CACNA2D3: variants seen among roughly 807,000 people sequenced by gnomAD.
CACNA2D3 encodes the protein calcium voltage-gated channel auxiliary subunit alpha2delta 3, also known as voltage-dependent calcium channel subunit alpha-2/delta-3.
In CACNA2D3, 60 loss-of-function variants were observed where a neutral mutation model predicts 160.6. The observed-to-expected ratio is 0.37, with a 90% confidence interval of 0.30 to 0.46. The LOEUF (loss-of-function observed/expected upper bound fraction) is 0.46. CACNA2D3 is among the 20% of genes least tolerant of loss of function. The pLI, the probability that CACNA2D3 is intolerant of heterozygous loss-of-function variation, is 1.00. For missense variants in CACNA2D3, 1,205 were observed against 1,365.0 expected (o/e 0.88, Z 1.85); for synonymous variants, 558 against 492.9 (o/e 1.13, Z -1.75).
At chr3:54,581,151 T>C (rs1012106579) in intron 8 of CACNA2D3, among the ~76,000 whole-genome samples, 10 of 152,124 alleles carry the variant, frequency 6.6e-5, no homozygotes, top group African/African-American at 2.4e-4. Flanking sequence ...GAAGCAAGCT[T>C]GCTGAGAGAA....
chr3:54,335,648 T>C (rs1409808833), intron 3 of CACNA2D3, among the ~76,000 whole-genome samples: 1 of 152,186 alleles, frequency 6.6e-6, no homozygotes, highest in Non-Finnish European at 1.5e-5. Flanking sequence ...TGACTTAGAA[T>C]GCCTGACTGT....
intron 25 of CACNA2D3, among the ~76,000 whole-genome samples, chr3:54,895,345 C>A (rs115069650): frequency 6.6e-6 from 1 of 152,124 alleles, no homozygotes; most frequent in Non-Finnish European, 1.5e-5. Flanking sequence ...AGGAAGGTCC[C>A]AGACCTTAGA....
intron 8 of CACNA2D3, among the ~76,000 whole-genome samples, chr3:54,576,578 G>A (rs1349756561): frequency 1.3e-5 from 2 of 152,248 alleles, no homozygotes; most frequent in East Asian, 3.9e-4. Context: ...CTTCAGGGCG[G>A]AGAGTTTGGA....
intron 10 of CACNA2D3, among the ~76,000 whole-genome samples, chr3:54,634,889 G>T (rs1474987106): frequency 1.1e-3 from 167 of 152,038 alleles, no homozygotes; most frequent in African/African-American, 3.9e-3. Context: ...TATACATGCA[G>T]GTCACAGGGG....
In CACNA2D3 at chr3:55,005,826, C is replaced by A. The variant is rs559226571; in HGVS notation, c.2766+988C>A. Among the ~76,000 whole-genome samples, 21 of 152,046 alleles carry A rather than the reference C, an allele frequency of 1.4e-4. 1 individual carries two copies. The highest frequency in any genetic ancestry group is 7.9e-4 in the Admixed American group (12 of 15,264). ...TCTGTCACATGTGTTTAAATATAAC[C>A]CTTACAATGTTATTATTTTGTAAAT... On this transcript the variant is annotated intron_variant, in intron 32 of 37. Transcript: ENST00000474759.
At chr3:54,258,558 C>G (rs750497121) in intron 2 of CACNA2D3, among the ~76,000 whole-genome samples, 1 of 152,162 alleles carries the variant, frequency 6.6e-6, no homozygotes, top group African/African-American at 2.4e-5. Flanking sequence ...AGCTCATGAG[C>G]CTGAAGCCAC....
At chr3:54,551,379 A>G (rs1702154635) in intron 5 of CACNA2D3, among the ~76,000 whole-genome samples, 1 of 152,252 alleles carries the variant, frequency 6.6e-6, no homozygotes, top group Non-Finnish European at 1.5e-5. Flanking sequence ...GAATGAATAA[A>G]TAAATGCATA....
intron 10 of CACNA2D3, among the ~76,000 whole-genome samples, chr3:54,628,777 G>C (rs896032535): frequency 6.6e-6 from 1 of 152,174 alleles, no homozygotes; most frequent in Non-Finnish European, 1.5e-5. Context: ...ATTAGCATCA[G>C]CAGGAGGCAT....
chr3:54,729,896 G>A (rs1701352923), intron 11 of CACNA2D3, among the ~76,000 whole-genome samples: 1 of 151,212 alleles, frequency 6.6e-6, no homozygotes, highest in Non-Finnish European at 1.5e-5. Context: ...TTACTCAGGA[G>A]GCTAAGGCAG....
intron 2 of CACNA2D3, among the ~76,000 whole-genome samples, chr3:54,178,990 T>C (rs150887656): frequency 2.5e-3 from 386 of 152,218 alleles, no homozygotes; most frequent in Non-Finnish European, 3.9e-3. Flanking sequence ...GCATCTATAT[T>C]GATGTGAGTT....
intron 35 of CACNA2D3, among the ~76,000 whole-genome samples, chr3:55,022,535 C>CTTCTTTCTTTCTTTCCTTCCTTCT (rs1211317803): frequency 3.2e-5 from 4 of 124,306 alleles, no homozygotes; most frequent in Non-Finnish European, 6.0e-5. Flanking sequence ...TTCTTCCTTC[C>CTTCTTTCTTTCTTTCCTTCCTTCT]TTCTTTCTTT....
chr3:54,650,948 G>A (rs1699752272), intron 11 of CACNA2D3, among the ~76,000 whole-genome samples: 1 of 152,178 alleles, frequency 6.6e-6, no homozygotes. Context: ...CTCATGAGAA[G>A]TATACTATCG....
intron 6 of CACNA2D3, among the ~76,000 whole-genome samples, chr3:54,567,122 C>T (rs578130426): frequency 5.9e-5 from 9 of 152,216 alleles, no homozygotes; most frequent in South Asian, 4.1e-4. Context: ...ATTCATGGTG[C>T]GTAATCTCTC....
chr3:54,207,523 A>G (rs1421681729), intron 2 of CACNA2D3, among the ~76,000 whole-genome samples: 1 of 151,892 alleles, frequency 6.6e-6, no homozygotes, highest in Non-Finnish European at 1.5e-5. Context: ...TGAGGCTTGG[A>G]GGGATACATT....
At chr3:54,477,847 G>A (rs1453161339) in intron 4 of CACNA2D3, among the ~76,000 whole-genome samples, 2 of 152,076 alleles carry the variant, frequency 1.3e-5, no homozygotes, top group Non-Finnish European at 2.9e-5. Context: ...AGTTTTTCCC[G>A]TGGTGTACCC....
chr3:54,686,838 C>T (rs1700456571), intron 11 of CACNA2D3, among the ~76,000 whole-genome samples: 2 of 151,976 alleles, frequency 1.3e-5, no homozygotes, highest in Non-Finnish European at 2.9e-5. Context: ...GGTTGGTGTC[C>T]AGTCTGATTT....
chr3:54,247,324 A>ACAAACAAACAAACAAT (rs1702100933), intron 2 of CACNA2D3, among the ~76,000 whole-genome samples: 1 of 151,970 alleles, frequency 6.6e-6, no homozygotes, highest in South Asian at 2.1e-4. Context: ...AAACAAACAA[A>ACAAACAAACAAACAAT]CAAACAAATA....
At chr3:54,986,194 A>C (rs1298834694) in intron 30 of CACNA2D3, among the ~76,000 whole-genome samples, 1 of 152,138 alleles carries the variant, frequency 6.6e-6, no homozygotes, top group Non-Finnish European at 1.5e-5. Flanking sequence ...TCCGGGGGTG[A>C]GTCCTGGAGC....
At chr3:55,012,526 T>G (rs192169120) in intron 34 of CACNA2D3, among the ~76,000 whole-genome samples, 1 of 152,180 alleles carries the variant, frequency 6.6e-6, no homozygotes, top group Admixed American at 6.5e-5. Flanking sequence ...AGTCATACTG[T>G]TATTTTGGTC....
Sources: allele counts gnomAD v4.1 joint callset (sites outside exome capture counted in the v4.1 genomes callset), GRCh38; gene constraint gnomAD v4.1.1; transcripts MANE v1.5; gene names NCBI Gene and HGNC (gene_info 2026-07-23, HGNC 2026-07-21).